The following DLC1 variants were observed in gnomAD, a reference collection of about 807,000 sequenced individuals.
DLC1 encodes the protein rho GTPase-activating protein 7.
A neutral mutation model predicts 140.3 loss-of-function variants in DLC1; 54 were observed. That is an observed-to-expected ratio of 0.38 (90% CI 0.31 to 0.48). DLC1 has a LOEUF of 0.48. Ranked by LOEUF, DLC1 falls within the 20% of genes least tolerant of loss-of-function variation. The pLI is 0.96. For missense variants in DLC1, 2,536 were observed against 1,907.0 expected (o/e 1.33, Z -6.14); for synonymous variants, 986 against 728.1 (o/e 1.35, Z -5.70).
At chr8:13,576,187 T>C (rs2117427698) in intron 1 of DLC1, among the ~76,000 whole-genome samples, 1 of 152,324 alleles carries the variant, frequency 6.6e-6, no homozygotes, top group East Asian at 1.9e-4. Context: ...GTTTTAATAC[T>C]CTACATAAAG....
intron 4 of DLC1, among the ~76,000 whole-genome samples, chr8:13,360,092 C>A (rs762870285): frequency 2.6e-5 from 4 of 152,198 alleles, no homozygotes; most frequent in Admixed American, 6.5e-5. Flanking sequence ...AGGAGACAGA[C>A]AAGCTGGGTT....
chr8:13,514,131 G>C (rs1685685739), intron 1 of DLC1, among the ~76,000 whole-genome samples: 1 of 151,632 alleles, frequency 6.6e-6, no homozygotes, highest in Non-Finnish European at 1.5e-5. Context: ...TTCAATCTTC[G>C]TAGTTTTAAA....
At chr8:13,274,344 G>T (rs952816686) in intron 5 of DLC1, among the ~76,000 whole-genome samples, 1 of 152,168 alleles carries the variant, frequency 6.6e-6, no homozygotes, top group African/African-American at 2.4e-5. Context: ...CATAGCCAAA[G>T]TCTTTTCCTT....
At chr8:13,086,167 C>G (rs1263834247) in intron 17 of DLC1, 123 bp downstream of exon 17, 4 of 1,386,604 alleles carry the variant, frequency 2.9e-6, no homozygotes, top group African/African-American at 2.9e-5. Context: ...TTCTAAACAC[C>G]ATTCTTCATG....
At chr8:13,226,144 G>T (rs1828789035) in intron 5 of DLC1, among the ~76,000 whole-genome samples, 1 of 152,068 alleles carries the variant, frequency 6.6e-6, no homozygotes, top group East Asian at 1.9e-4. Flanking sequence ...GAACTTCTGA[G>T]CTCAAACAAT....
chr8:13,102,418 G>T (rs756206750), intron 8 of DLC1, among the ~76,000 whole-genome samples: 1 of 151,990 alleles, frequency 6.6e-6, no homozygotes. Flanking sequence ...CACAGTTATT[G>T]TTATATTTGG....
chr8:13,467,937 T>A (rs539882148), intron 2 of DLC1, among the ~76,000 whole-genome samples: 1 of 152,342 alleles, frequency 6.6e-6, no homozygotes, highest in South Asian at 2.1e-4. Context: ...TTTAAGTGGT[T>A]TTATGCAGCT....
In DLC1 at chr8:13,174,000, C is replaced by T. The variant is rs145999105; in HGVS notation, c.1349-58343G>A. Among the ~76,000 whole-genome samples the T allele has an allele frequency of 9.6e-4, 146 of 152,150 alleles. 4 individuals carry two copies. In the East Asian group the frequency reaches 0.027, roughly 28 times the overall value. ...TAGTATCCAATAGGTCATTTCTCAG[C>T]CCTTGTTTCCCTCCTTCACTCTTCC... On this transcript the variant is annotated intron_variant, in intron 5 of 17. Transcript: ENST00000276297.
intron 4 of DLC1, among the ~76,000 whole-genome samples, chr8:13,375,588 T>G (rs1729182): frequency 0.53 from 80,962 of 152,002 alleles, 22,266 homozygotes; most frequent in East Asian, 0.82. Flanking sequence ...TCTTGTGCCA[T>G]TTTTCAAAGG....
chr8:13,464,189 T>C lies in DLC1; in HGVS notation c.1023+34860A>G, dbSNP rs192183259. 2.3e-3 allele frequency among the ~76,000 whole-genome samples: 356 copies of C among 152,266 alleles called. 2 individuals carry two copies. Among genetic ancestry groups the C allele is most frequent in the Non-Finnish European group, 3.9e-3 (267 of 68,036 alleles). On this transcript the variant is annotated intron_variant, in intron 2 of 17. Transcript: ENST00000276297. ...TTTAGGCAGATGGATCTTTGTCTTCTTAATCTGGAGGGCTAGATGTGTGGT... is the reference window on the plus strand; with the variant it reads ...TTTAGGCAGATGGATCTTTGTCTTCCTAATCTGGAGGGCTAGATGTGTGGT...
At chr8:13,272,836 T>C (rs1830996556) in intron 5 of DLC1, among the ~76,000 whole-genome samples, 1 of 152,208 alleles carries the variant, frequency 6.6e-6, no homozygotes, top group African/African-American at 2.4e-5. Flanking sequence ...ATCGCGCCAC[T>C]GCATTCCAAC....
intron 5 of DLC1, among the ~76,000 whole-genome samples, chr8:13,119,851 G>T (rs1298845697): frequency 1.3e-5 from 2 of 151,792 alleles, no homozygotes; most frequent in African/African-American, 4.8e-5. Context: ...GGAGGCTGAG[G>T]TGGGAGGATT....
chr8:13,134,610 A>G (rs1249776250), intron 5 of DLC1, among the ~76,000 whole-genome samples: 2 of 152,192 alleles, frequency 1.3e-5, no homozygotes, highest in Non-Finnish European at 1.5e-5. Context: ...TCATAGCGAT[A>G]TCTTAGTTTA....
chr8:13,383,734 C>G (rs1052453272), intron 4 of DLC1, among the ~76,000 whole-genome samples: 1 of 152,132 alleles, frequency 6.6e-6, no homozygotes, highest in African/African-American at 2.4e-5. Flanking sequence ...CAGGTGCCAC[C>G]ACATGAGAAT....
chr8:13,117,969 A>G (rs1008413183), intron 5 of DLC1, among the ~76,000 whole-genome samples: 6 of 151,668 alleles, frequency 4.0e-5, no homozygotes, highest in African/African-American at 1.4e-4. Flanking sequence ...TTTCAGCAAC[A>G]CAAAAATGCA....
intron 5 of DLC1, among the ~76,000 whole-genome samples, chr8:13,137,603 G>GTTT (rs36035085): frequency 4.5e-5 from 6 of 134,376 alleles, no homozygotes; most frequent in African/African-American, 5.6e-5. Context: ...TTTTGGTTTT[G>GTTT]TTTTTTTTTT....
chr8:13,508,323 A>G (rs1449918962), intron 1 of DLC1, among the ~76,000 whole-genome samples: 1 of 152,226 alleles, frequency 6.6e-6, no homozygotes, highest in Non-Finnish European at 1.5e-5. Flanking sequence ...TTCTCCTGAT[A>G]TCACTGAGAT....
At chr8:13,258,535 T>A (rs1830346444) in intron 5 of DLC1, among the ~76,000 whole-genome samples, 2 of 152,220 alleles carry the variant, frequency 1.3e-5, no homozygotes, top group South Asian at 4.1e-4. Flanking sequence ...TGGGGGGAAT[T>A]AAGCTCACAT....
At chr8:13,263,445 C>T (rs1408695960) in intron 5 of DLC1, among the ~76,000 whole-genome samples, 1 of 151,938 alleles carries the variant, frequency 6.6e-6, no homozygotes, top group Non-Finnish European at 1.5e-5. Flanking sequence ...GTATAAGAAA[C>T]CACAGTAAGA....
Sources: gnomAD v4.1 joint callset for allele counts (sites outside exome capture counted in the v4.1 genomes callset) on GRCh38, gnomAD v4.1.1 for gene constraint, MANE v1.5 for transcripts, NCBI Gene and HGNC (gene_info 2026-07-23, HGNC 2026-07-21) for gene names.